The following CALCR variants were observed in gnomAD, a reference collection of about 807,000 sequenced individuals.
CALCR encodes the protein calcitonin receptor.
In CALCR, 47 loss-of-function variants were observed where a neutral mutation model predicts 59.5. The observed-to-expected ratio is 0.79, with a 90% confidence interval of 0.63 to 1.01. CALCR has a LOEUF of 1.01. Ranked by LOEUF, CALCR falls within the 50% of genes least tolerant of loss-of-function variation. The pLI is 0.00. For missense variants in CALCR, 566 were observed against 597.1 expected, an observed-to-expected ratio of 0.95 and a Z score of 0.54; for synonymous variants, 213 against 211.3, an observed-to-expected ratio of 1.01 and a Z score of -0.07.
chr7:93,452,259 CAACTCCTGTTGTTGTA>C, intron 8 of CALCR, among the ~76,000 whole-genome samples: 1 of 152,110 alleles, frequency 6.6e-6, no homozygotes, highest in Non-Finnish European at 1.5e-5. Context: ...GAATTTACTG[CAACTCCTGTTGTTGTA>C]AACTCCTGTT....
intron 2 of CALCR, among the ~76,000 whole-genome samples, chr7:93,487,887 A>G (rs747725610): frequency 6.6e-6 from 1 of 151,578 alleles, no homozygotes; most frequent in Non-Finnish European, 1.5e-5. Flanking sequence ...GCCAACATGC[A>G]AATTCAGGAA....
rs1359710915 is a variant in CALCR, at chr7:93,488,673, G to T, written c.-26-1666C>A. Reference sequence around the variant, plus strand: ...CAAGATAAAAAAAAAGACAAAGAAGGCCTTGCATGATGGTAAAGGGAACAG... The same window carrying T: ...CAAGATAAAAAAAAAGACAAAGAAGTCCTTGCATGATGGTAAAGGGAACAG... On this transcript the variant is annotated intron_variant, in intron 2 of 13. Coordinates refer to ENST00000426151, the MANE Select transcript of CALCR (RefSeq NM_001742.4). 4.0e-5 allele frequency among the ~76,000 whole-genome samples: 6 copies of T among 150,562 alleles called. No individual in the cohort carries two copies. In the East Asian group the frequency reaches 1.2e-3, roughly 30 times the overall value.
chr7:93,473,655 C>T (rs545801045), intron 5 of CALCR, among the ~76,000 whole-genome samples: 1 of 146,892 alleles, frequency 6.8e-6, no homozygotes, highest in African/African-American at 2.5e-5. Context: ...TCTTACTATC[C>T]CTCCAACCAG....
chr7:93,468,539 G>C (rs1291113386), intron 7 of CALCR, among the ~76,000 whole-genome samples, 176 bp downstream of exon 7: 1 of 151,704 alleles, frequency 6.6e-6, no homozygotes, highest in Non-Finnish European at 1.5e-5. Flanking sequence ...CCCAAAGATA[G>C]GATTAAAAGC....
At chr7:93,535,220 G>T (rs1161193156) in intron 2 of CALCR, among the ~76,000 whole-genome samples, 1 of 151,594 alleles carries the variant, frequency 6.6e-6, no homozygotes, top group Non-Finnish European at 1.5e-5. Flanking sequence ...TTATGCTCTA[G>T]TTCTCCAAGT....
intron 13 of CALCR, among the ~76,000 whole-genome samples, chr7:93,428,879 A>ATATT (rs1799589736): frequency 1.3e-5 from 2 of 152,162 alleles, no homozygotes; most frequent in Admixed American, 1.3e-4. Context: ...ACTTACACAG[A>ATATT]TATTTACAAG....
At chr7:93,434,440 T>C (rs1466244027) in intron 12 of CALCR, 146 bp from the exon 13 acceptor site, 7 of 597,362 alleles carry the variant, frequency 1.2e-5, no homozygotes, top group Non-Finnish European at 2.1e-5. Flanking sequence ...TAGTCAGTGC[T>C]GCACTATAAG....
chr7:93,437,908 G>C (rs1171494678), intron 11 of CALCR, 152 bp downstream of exon 11: 3 of 727,940 alleles, frequency 4.1e-6, no homozygotes, highest in African/African-American at 3.6e-5. Context: ...TTTTTGAAGA[G>C]TCTAAAATCA....
In CALCR at chr7:93,537,362, C is replaced by G. The variant is rs1789017911; in HGVS notation, c.-27+36927G>C. 4.0e-5 allele frequency among the ~76,000 whole-genome samples: 6 copies of G among 151,796 alleles called. No homozygotes were observed. The South Asian group carries it at 1.2e-3, about 32-fold the overall frequency. On this transcript the variant is annotated intron_variant, in intron 2 of 13. Coordinates refer to ENST00000426151, the MANE Select transcript of CALCR (RefSeq NM_001742.4). The stretch of plus-strand genomic sequence containing the variant: ...GAAGGTATCATTTGCTAGGTTACCC[C>G]ATGGAACTGCAGTATATCAGAACAA...
At chr7:93,492,859 A>G (rs1423183543) in intron 2 of CALCR, among the ~76,000 whole-genome samples, 2 of 151,396 alleles carry the variant, frequency 1.3e-5, no homozygotes, top group Non-Finnish European at 3.0e-5. Context: ...TTTGAAAAGC[A>G]AAGACCTCTT....
Position 93,434,110 on chromosome 7 carries a change from G to GA in CALCR, c.1191+142dup, listed in dbSNP as rs1243551096. On this transcript the variant is annotated intron_variant, in intron 13 of 13. Transcript: ENST00000426151. ...GGATAAGATTCAGCTTGGAGTAGTG[G>GA]AAAAAACATCATGTTGCTAATCACA... is the stretch of plus-strand genomic sequence containing the variant. The GA allele has an allele frequency of 8.7e-6, 6 of 685,824 alleles. No individual in the cohort carries two copies. The East Asian group carries it at 1.5e-4, about 17-fold the overall frequency. The allele number at this position is 685,824 out of a possible 1,614,324, so 42.5% of individuals were successfully genotyped here. A position where few individuals can be genotyped will look rare whatever the true frequency, so the allele number is the denominator to read the frequency against.
At chr7:93,461,014 T>G (rs1800325201) in intron 7 of CALCR, 67 bp from the exon 8 acceptor site, 2 of 1,307,070 alleles carry the variant, frequency 1.5e-6, no homozygotes, top group Non-Finnish European at 2.1e-6. Flanking sequence ...AAAAAAACAT[T>G]TTGGTAATAT....
chr7:93,434,278 G>A lies in CALCR; in HGVS notation c.1166C>T (p.Thr389Ile), dbSNP rs1209232400. 6.2e-7 allele frequency: 1 copy of A among 1,610,558 alleles called. No homozygotes were observed. Among genetic ancestry groups the A allele is most frequent in the South Asian group, 1.1e-5 (1 of 91,008 alleles). The change falls in exon 13 of 14, where the codon ACC (threonine) becomes ATC (isoleucine). Residue 389 changes from threonine to isoleucine, a missense_variant. By Grantham distance (89) the Thr-to-Ile change is moderately conservative. Coordinates refer to ENST00000426151, the MANE Select transcript of CALCR (RefSeq NM_001742.4). ...CTCATTGTTGCAGAAGCAGTAGATG[G>A]TCGCAACAAAGAAGCCCTAAAAAGG... Reference protein sequence around the residue: ...LIHFQGFFVATIYCFCNNEVQ... With the variant: ...LIHFQGFFVAIIYCFCNNEVQ...
chr7:93,461,819 T>C (rs1800342350), intron 7 of CALCR, among the ~76,000 whole-genome samples: 1 of 152,176 alleles, frequency 6.6e-6, no homozygotes. Context: ...AGAGCCTACA[T>C]CATGGCTATA....
At chr7:93,519,908 C>T (rs572458049) in intron 2 of CALCR, among the ~76,000 whole-genome samples, 2 of 152,076 alleles carry the variant, frequency 1.3e-5, no homozygotes, top group South Asian at 2.1e-4. Flanking sequence ...TGAGGCCTCC[C>T]TAGCCATGTG....
At chr7:93,517,777 G>A (rs1287138627) in intron 2 of CALCR, among the ~76,000 whole-genome samples, 1 of 151,786 alleles carries the variant, frequency 6.6e-6, no homozygotes, top group Non-Finnish European at 1.5e-5. Context: ...GGATACATTT[G>A]CAATCCAAGA....
intron 2 of CALCR, among the ~76,000 whole-genome samples, chr7:93,504,890 A>G (rs1401385366): frequency 6.6e-6 from 1 of 152,162 alleles, no homozygotes; most frequent in African/African-American, 2.4e-5. Context: ...GACTTATGCA[A>G]GAATCTTAGG....
At chr7:93,482,715 C>T (rs765460731) in intron 3 of CALCR, 23 of 510,876 alleles carry the variant, frequency 4.5e-5, no homozygotes, top group African/African-American at 3.7e-4. Flanking sequence ...AGTGGAAATA[C>T]GACAATCTGT....
intron 2 of CALCR, among the ~76,000 whole-genome samples, chr7:93,515,382 A>G (rs142875301): frequency 1.5e-4 from 23 of 152,106 alleles, no homozygotes; most frequent in African/African-American, 5.3e-4. Flanking sequence ...CAAAGGAGGT[A>G]TGTCAAAGCA....
Sources: gnomAD v4.1 joint callset for allele counts (sites outside exome capture counted in the v4.1 genomes callset) on GRCh38, gnomAD v4.1.1 for gene constraint, MANE v1.5 for transcripts, NCBI Gene and HGNC (gene_info 2026-07-23, HGNC 2026-07-21) for gene names.